The following NELL1 variants were observed in gnomAD, a reference collection of about 807,000 sequenced individuals.
NELL1 encodes neural EGFL like 1.
Under a neutral mutation model 107.4 loss-of-function variants are expected in NELL1, and 76 were observed. The observed-to-expected ratio is 0.71, with a 90% CI of 0.59 to 0.86. NELL1 has a LOEUF of 0.86. Ranked by LOEUF, NELL1 falls within the 40% of genes least tolerant of loss-of-function variation. The pLI is 0.00. For missense variants in NELL1, 1,024 were observed against 1,005.5 expected, an observed-to-expected ratio of 1.02 and a Z score of -0.25; for synonymous variants, 353 against 341.2, an observed-to-expected ratio of 1.03 and a Z score of -0.38.
chr11:21,435,796 T>TTG (rs146985457), intron 15 of NELL1, among the ~76,000 whole-genome samples: 8,775 of 151,192 alleles, frequency 0.058, 670 homozygotes, highest in African/African-American at 0.18. Flanking sequence ...GTGTGTGTGT[T>TTG]TGTGTGTGTG....
chr11:20,908,368 C>T (rs190583239), intron 5 of NELL1, among the ~76,000 whole-genome samples: 10 of 152,222 alleles, frequency 6.6e-5, no homozygotes, highest in African/African-American at 2.4e-4. Context: ...GGGAGTACTA[C>T]ACAGCCATAA....
intron 15 of NELL1, among the ~76,000 whole-genome samples, chr11:21,442,942 C>CTTTTTTTTTTTTTTTTTTTTTTTTCT (rs66501874): frequency 3.5e-5 from 2 of 57,564 alleles, no homozygotes; most frequent in Non-Finnish European, 6.5e-5. Flanking sequence ...GCTATCTTTC[C>CTTTTTTTTTTTTTTTTTTTTTTTTCT]TTTTTTTTTT....
intron 12 of NELL1, among the ~76,000 whole-genome samples, chr11:21,005,834 G>C (rs1023369345): frequency 2.6e-5 from 4 of 152,018 alleles, no homozygotes; most frequent in African/African-American, 9.7e-5. Context: ...ACTTATTCTT[G>C]GTTAATGCCT....
At chr11:21,213,123 T>A (rs1008556284) in intron 13 of NELL1, among the ~76,000 whole-genome samples, 5 of 152,024 alleles carry the variant, frequency 3.3e-5, no homozygotes, top group African/African-American at 1.2e-4. Flanking sequence ...CAAAGTAAAA[T>A]GAAATGCCTA....
chr11:21,081,875 A>G (rs1590619039), intron 12 of NELL1, among the ~76,000 whole-genome samples: 1 of 152,282 alleles, frequency 6.6e-6, no homozygotes, highest in South Asian at 2.1e-4. Context: ...TTTATTTTTC[A>G]AATGATCTTA....
chr11:21,308,940 A>G (rs1310450653), intron 14 of NELL1, among the ~76,000 whole-genome samples: 3 of 151,748 alleles, frequency 2.0e-5, no homozygotes, highest in Non-Finnish European at 4.4e-5. Flanking sequence ...AGGCTCTAAA[A>G]TGCCTTGAAA....
At chr11:21,148,635 G>C (rs1028871987) in intron 13 of NELL1, among the ~76,000 whole-genome samples, 4 of 152,144 alleles carry the variant, frequency 2.6e-5, no homozygotes, top group African/African-American at 9.7e-5. Context: ...TTCACCCACT[G>C]AAAGTTAATT....
intron 2 of NELL1, among the ~76,000 whole-genome samples, chr11:20,775,353 A>G (rs946587084): frequency 6.6e-6 from 1 of 152,230 alleles, no homozygotes; most frequent in African/African-American, 2.4e-5. Flanking sequence ...TGCCTTTCAT[A>G]TCATTATATT....
chr11:20,961,729 C>G (rs190589592), intron 12 of NELL1, among the ~76,000 whole-genome samples: 19 of 152,124 alleles, frequency 1.2e-4, no homozygotes, highest in Admixed American at 1.2e-3. Context: ...CAAAACCTGC[C>G]TATATGGGAG....
chr11:21,479,069 A>AT (rs1178269640), intron 15 of NELL1, among the ~76,000 whole-genome samples: 1 of 152,166 alleles, frequency 6.6e-6, no homozygotes, highest in Non-Finnish European at 1.5e-5. Context: ...GAGAAAGGAG[A>AT]ACCTTCTTTC....
chr11:20,719,241 G>A (rs954147243), intron 2 of NELL1, among the ~76,000 whole-genome samples: 3 of 152,170 alleles, frequency 2.0e-5, no homozygotes, highest in Non-Finnish European at 4.4e-5. Context: ...ACAAACAAAT[G>A]TCCCATCTAA....
At chr11:21,379,590 A>G in intron 15 of NELL1, among the ~76,000 whole-genome samples, 1 of 152,246 alleles carries the variant, frequency 6.6e-6, no homozygotes, top group East Asian at 1.9e-4. Context: ...ATACATTTAA[A>G]TTATGTTTGT....
chr11:21,233,374 G>A (rs1301917369), intron 14 of NELL1, among the ~76,000 whole-genome samples: 2 of 152,060 alleles, frequency 1.3e-5, no homozygotes, highest in Non-Finnish European at 2.9e-5. Flanking sequence ...ACTGCTTTTA[G>A]TTTTTTCCCT....
At chr11:21,038,914 A>G (rs1221549098) in intron 12 of NELL1, among the ~76,000 whole-genome samples, 2 of 152,176 alleles carry the variant, frequency 1.3e-5, no homozygotes, top group African/African-American at 2.4e-5. Flanking sequence ...TTCTAGCAAG[A>G]CTTTCTCTTT....
intron 3 of NELL1, among the ~76,000 whole-genome samples, chr11:20,840,346 A>G (rs1318168559): frequency 6.6e-6 from 1 of 152,216 alleles, no homozygotes; most frequent in Non-Finnish European, 1.5e-5. Flanking sequence ...TGATGTATAA[A>G]AAAAACTACC....
chr11:20,799,797 C>T (rs537998616), intron 3 of NELL1, among the ~76,000 whole-genome samples: 1 of 152,272 alleles, frequency 6.6e-6, no homozygotes, highest in Non-Finnish European at 1.5e-5. Flanking sequence ...CAGATGGTCC[C>T]ATCACCCATG....
At chr11:20,820,359 C>T (rs952881749) in intron 3 of NELL1, among the ~76,000 whole-genome samples, 8 of 152,142 alleles carry the variant, frequency 5.3e-5, no homozygotes, top group Non-Finnish European at 7.4e-5. Context: ...TTATTAAATA[C>T]CTATTATAAA....
chr11:20,727,283 G>A (rs537599317), intron 2 of NELL1, among the ~76,000 whole-genome samples: 17 of 152,172 alleles, frequency 1.1e-4, no homozygotes, highest in South Asian at 1.0e-3. Flanking sequence ...TTTAATGATC[G>A]CCATTTTAAC....
intron 2 of NELL1, among the ~76,000 whole-genome samples, chr11:20,695,717 G>A (rs1434878977): frequency 6.6e-6 from 1 of 151,968 alleles, no homozygotes; most frequent in Admixed American, 6.6e-5. Context: ...CATTAGGGTA[G>A]GGATGTTGGC....
Sources: gnomAD v4.1 joint callset for allele counts (sites outside exome capture counted in the v4.1 genomes callset) on GRCh38, gnomAD v4.1.1 for gene constraint, MANE v1.5 for transcripts, NCBI Gene and HGNC (gene_info 2026-07-23, HGNC 2026-07-21) for gene names.